ONECUT2: variants seen among roughly 807,000 people sequenced by gnomAD.
ONECUT2 encodes the protein one cut domain family member 2.
In ONECUT2, 10 loss-of-function variants were observed where a neutral mutation model predicts 27.9. That is an observed-to-expected ratio of 0.36 (90% CI 0.22 to 0.61). ONECUT2 has a LOEUF of 0.61. Among genes scored for constraint, ONECUT2 ranks in the 20% least tolerant of loss-of-function variants. The pLI, the probability that ONECUT2 is intolerant of heterozygous loss-of-function variation, is 0.73. For missense variants in ONECUT2, 686 were observed against 721.0 expected (o/e 0.95, Z 0.56); for synonymous variants, 334 against 315.1 (o/e 1.06, Z -0.64).
chr18:57,489,885 A>T lies in ONECUT2; in HGVS notation c.*13162A>T, dbSNP rs750796747. 7 of 152,198 alleles carry T rather than the reference A, an allele frequency of 4.6e-5. No individual in the cohort carries two copies. Among genetic ancestry groups the T allele is most frequent in the Non-Finnish European group, 1.0e-4 (7 of 68,032 alleles). 9.4% of individuals were successfully genotyped at this position (152,198 alleles called of 1,614,324 possible). The stretch of plus-strand genomic sequence containing the variant: ...ACTTGATAAATAACCACTAAAGTTT[A>T]GATGCAGGGACTGAGATGATACAGG... On this transcript the variant is annotated 3_prime_UTR_variant, in exon 2 of 2. Coordinates refer to ENST00000491143, the MANE Select transcript of ONECUT2 (RefSeq NM_004852.3).
rs1031354599 is a variant in ONECUT2 at position 57,487,822 on chromosome 18, C to G, written c.*11099C>G. 1 of 152,146 alleles carries G rather than the reference C, an allele frequency of 6.6e-6. No homozygotes were observed. The highest frequency in any genetic ancestry group is 1.5e-5 in the Non-Finnish European group (1 of 68,026). The allele number at this position is 152,146 out of a possible 1,614,324, so 9.4% of individuals were successfully genotyped here. A position where few individuals can be genotyped will look rare whatever the true frequency, so the allele number is the denominator to read the frequency against. On this transcript the variant is annotated 3_prime_UTR_variant, in exon 2 of 2. Coordinates refer to ENST00000491143, the MANE Select transcript of ONECUT2 (RefSeq NM_004852.3). ...CTTTAAATCCTTCAATTATCTGAGG[C>G]CTCTATATGTCAAAACTATTTTTCA...
intron 1 of ONECUT2, among the ~76,000 whole-genome samples, chr18:57,451,605 C>T (rs562344070): frequency 6.6e-6 from 1 of 152,346 alleles, no homozygotes; most frequent in South Asian, 2.1e-4. Context: ...TAGCCCCACT[C>T]CTCCCTAACC....
chr18:57,473,413 G>C (rs80080762), intron 1 of ONECUT2, among the ~76,000 whole-genome samples: 3,409 of 152,244 alleles, frequency 0.022, 49 homozygotes, highest in Non-Finnish European at 0.035. Context: ...AAGTGAAGAG[G>C]TACCTGTTAT....
intron 1 of ONECUT2, among the ~76,000 whole-genome samples, chr18:57,449,418 C>G (rs998312095): frequency 6.6e-6 from 1 of 152,232 alleles, no homozygotes; most frequent in Non-Finnish European, 1.5e-5. Flanking sequence ...TAGGAATCAT[C>G]AGCCCCAGCA....
Position 57,483,071 on chromosome 18 carries a change from G to C in ONECUT2, c.*6348G>C, listed in dbSNP as rs2122163328. ...ACTTCGGTTGAATAGCTTTATTCTGGATTTTTCATAACTAAAGCTAAATCC... is the reference window on the plus strand; with the variant it reads ...ACTTCGGTTGAATAGCTTTATTCTGCATTTTTCATAACTAAAGCTAAATCC... On this transcript the variant is annotated 3_prime_UTR_variant, in exon 2 of 2. Transcript: ENST00000491143. The C allele has an allele frequency of 6.7e-6, 1 of 149,014 alleles. No homozygotes were observed. Among genetic ancestry groups the C allele is most frequent in the East Asian group, 2.0e-4 (1 of 5,050 alleles). The allele number at this position is 149,014 out of a possible 1,614,324, so 9.2% of individuals were successfully genotyped here. A position where few individuals can be genotyped will look rare whatever the true frequency, so the allele number is the denominator to read the frequency against.
chr18:57,466,467 C>G (rs1489765695), intron 1 of ONECUT2, among the ~76,000 whole-genome samples: 1 of 152,204 alleles, frequency 6.6e-6, no homozygotes, highest in Non-Finnish European at 1.5e-5. Context: ...CCATTTTAAG[C>G]CAGATGTTTG....
rs2050430465 is a variant in ONECUT2, at chr18:57,484,695, G to C, written c.*7972G>C. 1 of 152,222 alleles carries C rather than the reference G, an allele frequency of 6.6e-6. No individual in the cohort carries two copies. The highest frequency in any genetic ancestry group is 1.5e-5 in the Non-Finnish European group (1 of 68,068). The allele number at this position is 152,222 out of a possible 1,614,324, so 9.4% of individuals were successfully genotyped here. ...CTCTGACCATTGAGTAGTTGAGCTG[G>C]AAGAGACCTTAGGAATCATTTAGTC... On this transcript the variant is annotated 3_prime_UTR_variant, in exon 2 of 2. Coordinates refer to ENST00000491143, the MANE Select transcript of ONECUT2 (RefSeq NM_004852.3).
chr18:57,478,682 T>G lies in ONECUT2; in HGVS notation c.*1959T>G, dbSNP rs1173521717. The G allele has an allele frequency of 6.6e-6, 1 of 152,624 alleles. No individual in the cohort carries two copies. Among genetic ancestry groups the G allele is most frequent in the African/African-American group, 2.4e-5 (1 of 41,436 alleles). The allele number at this position is 152,624 out of a possible 1,614,324, so 9.5% of individuals were successfully genotyped here. ...ACACGGTAATCTTAAAGCTGAAGAT[T>G]GTCTTTAATTTGTGCCTATGCAGTT... On this transcript the variant is annotated 3_prime_UTR_variant, in exon 2 of 2. Coordinates refer to ENST00000491143, the MANE Select transcript of ONECUT2 (RefSeq NM_004852.3).
chr18:57,438,575 G>C (rs1001147063), intron 1 of ONECUT2, among the ~76,000 whole-genome samples: 1 of 152,224 alleles, frequency 6.6e-6, no homozygotes, highest in Non-Finnish European at 1.5e-5. Flanking sequence ...CTTGGGGAGG[G>C]GGAGTTTCCG....
At chr18:57,438,524 G>A (rs113822210) in intron 1 of ONECUT2, among the ~76,000 whole-genome samples, 2 of 152,334 alleles carry the variant, frequency 1.3e-5, no homozygotes, top group African/African-American at 4.8e-5. Context: ...ACCAACGCCC[G>A]ACAGGGCTGG....
intron 1 of ONECUT2, among the ~76,000 whole-genome samples, chr18:57,453,886 C>T (rs979445312): frequency 3.3e-5 from 5 of 152,234 alleles, no homozygotes; most frequent in African/African-American, 1.2e-4. Context: ...TTTTCAACTC[C>T]ACCCACCCTG....
chr18:57,438,478 C>T (rs984998953), intron 1 of ONECUT2, among the ~76,000 whole-genome samples: 1 of 152,262 alleles, frequency 6.6e-6, no homozygotes, highest in Non-Finnish European at 1.5e-5. Context: ...CCGGGCTTTC[C>T]TCGCACCGCT....
Position 57,444,357 on chromosome 18 carries a change from C to T in ONECUT2, c.1228+7413C>T, listed in dbSNP as rs139364479. The T allele has an allele frequency of 1.9e-3, 852 of 456,654 alleles. 7 individuals are homozygous for T. The highest frequency in any genetic ancestry group is 0.014 in the African/African-American group (705 of 50,198). The allele number at this position is 456,654 out of a possible 1,614,324, so 28.3% of individuals were successfully genotyped here. On this transcript the variant is annotated intron_variant, in intron 1 of 1. Transcript: ENST00000491143. ...GACATCCTTGAAGGAACCTGTTTGA[C>T]GGCTCATTTTTCTGCCGTATTTGGA...
chr18:57,450,374 A>C (rs983856333), intron 1 of ONECUT2, among the ~76,000 whole-genome samples: 1 of 152,136 alleles, frequency 6.6e-6, no homozygotes, highest in African/African-American at 2.4e-5. Context: ...GGGTTTCACC[A>C]TGCTGGCCAG....
intron 1 of ONECUT2, among the ~76,000 whole-genome samples, chr18:57,441,465 C>A (rs73441018): frequency 6.6e-6 from 1 of 152,222 alleles, no homozygotes; most frequent in Non-Finnish European, 1.5e-5. Context: ...CTTACTTCCC[C>A]GAGGTTTTCT....
chr18:57,445,526 T>C (rs1325779216), intron 1 of ONECUT2, among the ~76,000 whole-genome samples: 1 of 152,220 alleles, frequency 6.6e-6, no homozygotes, highest in Admixed American at 6.5e-5. Flanking sequence ...CATGACCTGT[T>C]TCTAATTGGC....
intron 1 of ONECUT2, among the ~76,000 whole-genome samples, chr18:57,444,921 A>G (rs955060540): frequency 6.6e-6 from 1 of 152,220 alleles, no homozygotes; most frequent in Non-Finnish European, 1.5e-5. Context: ...TGGGAAGTGA[A>G]ATTAAATCAA....
Position 57,481,959 on chromosome 18 carries a change from G to C in ONECUT2, c.*5236G>C, listed in dbSNP as rs2050418210. 2 of 152,170 alleles carry C rather than the reference G, an allele frequency of 1.3e-5. No individual in the cohort carries two copies. Among genetic ancestry groups the C allele is most frequent in the Admixed American group, 1.3e-4 (2 of 15,280 alleles). The allele number at this position is 152,170 out of a possible 1,614,324, so 9.4% of individuals were successfully genotyped here. On this transcript the variant is annotated 3_prime_UTR_variant, in exon 2 of 2. Coordinates refer to ENST00000491143, the MANE Select transcript of ONECUT2 (RefSeq NM_004852.3). ...TCAGCCTAACCAGGAAGAGTAAGTG[G>C]AAATGGTAGATGAAGAAGGGGTAGA...
rs1335197658 is a variant in ONECUT2 at position 57,490,602 on chromosome 18, G to T, written c.*13879G>T. The T allele has an allele frequency of 6.6e-6, 1 of 152,104 alleles. No homozygotes were observed. The highest frequency in any genetic ancestry group is 1.5e-5 in the Non-Finnish European group (1 of 68,022). 9.4% of individuals were successfully genotyped at this position (152,104 alleles called of 1,614,324 possible). ...TCCGTTGACCATATGCTCAAAGACC[G>T]TACTCTGCCACCTGCCTTCCAGGTA... On this transcript the variant is annotated 3_prime_UTR_variant, in exon 2 of 2. Transcript: ENST00000491143.
Sources: allele counts gnomAD v4.1 joint callset (sites outside exome capture counted in the v4.1 genomes callset), GRCh38; gene constraint gnomAD v4.1.1; transcripts MANE v1.5; gene names NCBI Gene and HGNC (gene_info 2026-07-23, HGNC 2026-07-21).